Variants in PDIA5 observed in about 807,000 individuals in gnomAD.
The protein encoded by PDIA5 is protein disulfide-isomerase A5.
In PDIA5, 58 loss-of-function variants were observed where a neutral mutation model predicts 77.6. The ratio of observed to expected loss-of-function variants is 0.75; its 90% confidence interval spans 0.61 to 0.93. PDIA5 has a LOEUF of 0.93. Ranked by LOEUF, PDIA5 falls within the 40% of genes least tolerant of loss-of-function variation. The probability of loss-of-function intolerance (pLI) is 0.00; values close to 1 mark genes in which losing one functional copy is unlikely to be tolerated. For missense variants in PDIA5, 630 were observed against 647.7 expected (o/e 0.97, Z 0.30); for synonymous variants, 250 against 252.1 (o/e 0.99, Z 0.08).
chr3:123,105,704 G>A (rs969693749), intron 5 of PDIA5, among the ~76,000 whole-genome samples: 2 of 150,960 alleles, frequency 1.3e-5, no homozygotes, highest in Admixed American at 6.6e-5. Context: ...TATTATAGAA[G>A]GGCACTTCCC....
chr3:123,081,542 A>C (rs1934003092), intron 1 of PDIA5, among the ~76,000 whole-genome samples: 2 of 152,230 alleles, frequency 1.3e-5, no homozygotes, highest in South Asian at 4.1e-4. Flanking sequence ...ATTTTGAGCA[A>C]AATGTGGGTT....
intron 6 of PDIA5, among the ~76,000 whole-genome samples, chr3:123,107,429 C>G (rs1934762263): frequency 6.6e-6 from 1 of 152,100 alleles, no homozygotes; most frequent in Non-Finnish European, 1.5e-5. Flanking sequence ...GTAGCGGGTG[C>G]CTGTGATCCC....
At chr3:123,153,262 G>A (rs576354991) in intron 14 of PDIA5, among the ~76,000 whole-genome samples, 5 of 152,330 alleles carry the variant, frequency 3.3e-5, no homozygotes, top group African/African-American at 9.6e-5. Flanking sequence ...ACCAGGTTTT[G>A]AGGAAGGGGG....
At chr3:123,106,675 AC>A (rs1483506148) in intron 5 of PDIA5, 73 bp from the exon 6 acceptor site, 29 of 1,043,690 alleles carry the variant, frequency 2.8e-5, no homozygotes, top group Non-Finnish European at 4.5e-6. Flanking sequence ...GGGAAAGAGG[AC>A]AGGTTCCTGA....
rs1478622050 is a variant in PDIA5 at position 123,098,327 on chromosome 3, C to T, written c.258-4084C>T. On this transcript the variant is annotated intron_variant, in intron 3 of 16. Transcript: ENST00000316218. ...TTGTGAAAGACCTCAGACCCCCACC[C>T]TCCGACCCCGCCGTCTCCCAGACCT... Among the ~76,000 whole-genome samples the T allele has an allele frequency of 3.9e-5, 6 of 152,254 alleles. No individual in the cohort carries two copies. In the South Asian group the frequency reaches 1.0e-3, roughly 26 times the overall value.
intron 8 of PDIA5, among the ~76,000 whole-genome samples, chr3:123,121,555 C>G (rs1428429066): frequency 1.3e-5 from 2 of 152,204 alleles, no homozygotes; most frequent in African/African-American, 4.8e-5. Flanking sequence ...GAATTAAGAG[C>G]TCACCCCAAG....
chr3:123,161,230 G>C (rs1378426012), intron 15 of PDIA5, 91 bp from the exon 16 acceptor site: 4 of 1,374,446 alleles, frequency 2.9e-6, no homozygotes, highest in Middle Eastern at 2.5e-4. Flanking sequence ...GAGTGGGCCT[G>C]TGACGTGGAC....
chr3:123,161,570 A>G, intron 16 of PDIA5, 115 bp downstream of exon 16: 1 of 1,170,862 alleles, frequency 8.5e-7, no homozygotes, highest in Non-Finnish European at 1.2e-6. Context: ...AGTCAGCTGG[A>G]ACACTGCACC....
chr3:123,102,938 C>T (rs768911816), intron 5 of PDIA5, 142 bp downstream of exon 5: 143 of 680,486 alleles, frequency 2.1e-4, no homozygotes, highest in Non-Finnish European at 3.3e-4. Context: ...ATCTCTAGAG[C>T]ATATGTCAGC....
chr3:123,152,264 G>T (rs777182546), intron 14 of PDIA5, among the ~76,000 whole-genome samples: 5 of 152,160 alleles, frequency 3.3e-5, no homozygotes, highest in Admixed American at 6.5e-5. Flanking sequence ...ACAAGGGAGG[G>T]AGACATGTCC....
chr3:123,116,794 A>C (rs1454585397), intron 8 of PDIA5, among the ~76,000 whole-genome samples: 1 of 152,146 alleles, frequency 6.6e-6, no homozygotes, highest in East Asian at 1.9e-4. Flanking sequence ...GGTGGGAACC[A>C]GAGGAGGAGG....
At chr3:123,135,532 G>A (rs1295517676) in intron 11 of PDIA5, among the ~76,000 whole-genome samples, 5 of 152,152 alleles carry the variant, frequency 3.3e-5, no homozygotes, top group Admixed American at 6.5e-5. Context: ...GCATGTATCT[G>A]CACTGCCTTC....
intron 4 of PDIA5, 51 bp downstream of exon 4, chr3:123,102,545 A>T (rs1169992237): frequency 7.5e-7 from 1 of 1,331,670 alleles, no homozygotes; most frequent in South Asian, 1.2e-5. Flanking sequence ...AAATGCTTTC[A>T]TTGGTATTTT....
chr3:123,110,713 G>T (rs115935347), intron 6 of PDIA5, among the ~76,000 whole-genome samples: 2 of 152,098 alleles, frequency 1.3e-5, no homozygotes, highest in African/African-American at 2.4e-5. Context: ...TCTGTAATAC[G>T]TGAGGGTGGT....
chr3:123,119,438 CTTTG>C (rs954369368), intron 8 of PDIA5, among the ~76,000 whole-genome samples: 15 of 152,136 alleles, frequency 9.9e-5, no homozygotes, highest in Admixed American at 9.8e-4. Flanking sequence ...AAACTCATTT[CTTTG>C]TTTGTATATT....
chr3:123,145,726 C>T (rs2107982053), intron 12 of PDIA5, 134 bp downstream of exon 12: 2 of 691,386 alleles, frequency 2.9e-6, no homozygotes, highest in Admixed American at 4.6e-5. Flanking sequence ...TCTGTGTGCC[C>T]AAGTAGAACA....
chr3:123,123,738 GT>G (rs1935172126), intron 8 of PDIA5, among the ~76,000 whole-genome samples: 1 of 152,378 alleles, frequency 6.6e-6, no homozygotes, highest in Admixed American at 6.5e-5. Context: ...CTCTCTGAGA[GT>G]AATGTGAACT....
At chr3:123,069,723 G>T (rs1933676164) in intron 1 of PDIA5, among the ~76,000 whole-genome samples, 1 of 152,018 alleles carries the variant, frequency 6.6e-6, no homozygotes, top group Non-Finnish European at 1.5e-5. Flanking sequence ...TACGTACCAA[G>T]GGCCCCACCT....
intron 14 of PDIA5, among the ~76,000 whole-genome samples, chr3:123,152,117 C>A (rs1367078152): frequency 2.7e-5 from 4 of 146,594 alleles, no homozygotes; most frequent in African/African-American, 1.0e-4. Flanking sequence ...TCCTTCCTTC[C>A]TTCCTTCCTG....
Sources: allele counts gnomAD v4.1 joint callset (sites outside exome capture counted in the v4.1 genomes callset), GRCh38; gene constraint gnomAD v4.1.1; transcripts MANE v1.5; gene names NCBI Gene and HGNC (gene_info 2026-07-23, HGNC 2026-07-21).